Variants in FNDC5 observed in about 807,000 individuals in gnomAD.
FNDC5 encodes the protein fibronectin type III domain-containing protein 5.
In FNDC5, 10 loss-of-function variants were observed where a neutral mutation model predicts 24.6. That is an observed-to-expected ratio of 0.41 (90% CI 0.25 to 0.69). The LOEUF (loss-of-function observed/expected upper bound fraction) is 0.69. FNDC5 is among the 30% of genes least tolerant of loss of function. The pLI, the probability that FNDC5 is intolerant of heterozygous loss-of-function variation, is 0.34. For missense variants in FNDC5, 226 were observed against 282.9 expected (o/e 0.80, Z 1.44); for synonymous variants, 90 against 110.7 (o/e 0.81, Z 1.18).
chr1:32,868,948 G>A lies in FNDC5; in HGVS notation c.144C>T (p.Asn48=). ...GAACATCCCAGCTCACCACTGCAGA[G>A]TTGGCCTTGAGGTGCCTGACGGTGA... The change falls in exon 2 of 6, where the codon AAC becomes AAT. Residue 48 remains asparagine (N), a synonymous_variant. Coordinates refer to ENST00000373471, the MANE Select transcript of FNDC5 (RefSeq NM_153756.3). The surrounding 1 kb of genome is among the most constrained non-coding windows in gnomAD (Gnocchi z 4.8). 1 of 1,235,890 alleles carries A rather than the reference G, an allele frequency of 8.1e-7. No homozygotes were observed. The highest frequency in any genetic ancestry group is 4.1e-5 in the South Asian group (1 of 24,554). The allele number at this position is 1,235,890 out of a possible 1,614,324, so 76.6% of individuals were successfully genotyped here.
chr1:32,863,627 G>A lies in FNDC5; in HGVS notation c.*667C>T. 9.4e-7 allele frequency: 1 copy of A among 1,068,932 alleles called. No individual in the cohort carries two copies. The highest frequency in any genetic ancestry group is 1.6e-5 in the African/African-American group (1 of 61,092). 66.2% of individuals were successfully genotyped at this position (1,068,932 alleles called of 1,614,324 possible). A position where few individuals can be genotyped will look rare whatever the true frequency, so the allele number is the denominator to read the frequency against. On this transcript the variant is annotated 3_prime_UTR_variant, in exon 6 of 6. Transcript: ENST00000373471. ...TAGGACAAGGAGAAGAGAGAACTGTGCAGCTAGCTGTGCCTCCTCCCCACT... is the reference window on the plus strand; with the variant it reads ...TAGGACAAGGAGAAGAGAGAACTGTACAGCTAGCTGTGCCTCCTCCCCACT...
rs1167933646 is a variant in FNDC5, at chr1:32,863,767, T to C, written c.*527A>G. On this transcript the variant is annotated 3_prime_UTR_variant, in exon 6 of 6. Coordinates refer to ENST00000373471, the MANE Select transcript of FNDC5 (RefSeq NM_153756.3). ...GCTTCAATGATGTTCACTGAGGGCT[T>C]GTTTGGAAACTGGGAGGAAAAAAAT... The C allele has an allele frequency of 7.7e-7, 1 of 1,304,682 alleles. No individual in the cohort carries two copies. The highest frequency in any genetic ancestry group is 1.0e-6 in the Non-Finnish European group (1 of 989,078). 80.8% of individuals were successfully genotyped at this position (1,304,682 alleles called of 1,614,324 possible).
chr1:32,864,057 G>T lies in FNDC5; in HGVS notation c.*237C>A. ...GTCTACCCCCAGCAGTCATCCCTCT[G>T]AGTGCAGCCTCAGCCACTGACATTG... On this transcript the variant is annotated 3_prime_UTR_variant, in exon 6 of 6. Transcript: ENST00000373471. The T allele has an allele frequency of 6.9e-7, 1 of 1,440,582 alleles. No individual in the cohort carries two copies. Among genetic ancestry groups the T allele is most frequent in the Non-Finnish European group, 9.1e-7 (1 of 1,095,798 alleles). The allele number at this position is 1,440,582 out of a possible 1,614,324, so 89.2% of individuals were successfully genotyped here. A position where few individuals can be genotyped will look rare whatever the true frequency, so the allele number is the denominator to read the frequency against.
At chr1:32,869,044 G>T (rs1641128379) in intron 1 of FNDC5, 47 bp from the exon 2 acceptor site, 3 of 1,080,924 alleles carry the variant, frequency 2.8e-6, no homozygotes, top group Non-Finnish European at 2.4e-6. Flanking sequence ...CTATTGTGAG[G>T]CCCAGACCCA....
chr1:32,863,620 G>C lies in FNDC5; in HGVS notation c.*674C>G, dbSNP rs2148708902. The stretch of plus-strand genomic sequence containing the variant: ...ATCTGACTAGGACAAGGAGAAGAGA[G>C]AACTGTGCAGCTAGCTGTGCCTCCT... On this transcript the variant is annotated 3_prime_UTR_variant, in exon 6 of 6. Coordinates refer to ENST00000373471, the MANE Select transcript of FNDC5 (RefSeq NM_153756.3). The C allele has an allele frequency of 2.9e-6, 3 of 1,023,694 alleles. 1 individual carries two copies. The South Asian group carries it at 4.0e-5, about 14-fold the overall frequency. The allele number at this position is 1,023,694 out of a possible 1,614,324, so 63.4% of individuals were successfully genotyped here.
chr1:32,869,057 GTC>G (rs1641128546), intron 1 of FNDC5, 60 bp from the exon 2 acceptor site: 3 of 991,112 alleles, frequency 3.0e-6, no homozygotes, highest in Admixed American at 4.3e-5. Flanking sequence ...CAGACCCACT[GTC>G]TCATAAGTAA....
chr1:32,864,276 C>A lies in FNDC5; in HGVS notation c.*18G>T. The A allele has an allele frequency of 5.0e-6, 8 of 1,614,162 alleles. No individual in the cohort carries two copies. The highest frequency in any genetic ancestry group is 6.8e-6 in the Non-Finnish European group (8 of 1,180,026). On this transcript the variant is annotated 3_prime_UTR_variant, in exon 6 of 6. Coordinates refer to ENST00000373471, the MANE Select transcript of FNDC5 (RefSeq NM_153756.3). ...TGTCTGTCTTCTTAGCTGCTGAGGG[C>A]AAGCACTGAAAAGGTTTTCATATCT...
chr1:32,869,090 G>T, intron 1 of FNDC5, 93 bp from the exon 2 acceptor site: 1 of 644,214 alleles, frequency 1.6e-6, no homozygotes, highest in Non-Finnish European at 2.2e-6. Context: ...CCTGGGGAAG[G>T]CCATGCAGGA....
chr1:32,864,147 G>A lies in FNDC5; in HGVS notation c.*147C>T. ...AGGAAAGTGCGCCAGAGAGAGGACA[G>A]TAAGCCAGAGGGTACAAGGAGATGG... On this transcript the variant is annotated 3_prime_UTR_variant, in exon 6 of 6. Coordinates refer to ENST00000373471, the MANE Select transcript of FNDC5 (RefSeq NM_153756.3). 1 of 1,565,170 alleles carries A rather than the reference G, an allele frequency of 6.4e-7. No homozygotes were observed. Among genetic ancestry groups the A allele is most frequent in the Non-Finnish European group, 8.7e-7 (1 of 1,155,944 alleles).
chr1:32,862,986 G>C lies in FNDC5; in HGVS notation c.*1308C>G, dbSNP rs1056215823. 1 of 152,762 alleles carries C rather than the reference G, an allele frequency of 6.5e-6. No homozygotes were observed. Among genetic ancestry groups the C allele is most frequent in the African/African-American group, 2.4e-5 (1 of 41,450 alleles). The allele number at this position is 152,762 out of a possible 1,614,324, so 9.5% of individuals were successfully genotyped here. ...AATGGCTCAGGCCTGCCTTCCAGCA[G>C]CTTCTACTCCAGAAGGGGTGTTTTG... On this transcript the variant is annotated 3_prime_UTR_variant, in exon 6 of 6. Transcript: ENST00000373471.
Position 32,867,747 on chromosome 1 carries a change from A to T in FNDC5, c.499+6T>A, listed in dbSNP as rs1435277148. The T allele has an allele frequency of 6.0e-5, 97 of 1,612,142 alleles. No individual in the cohort carries two copies. The highest frequency in any genetic ancestry group is 7.7e-5 in the Non-Finnish European group (91 of 1,178,800). On this transcript the variant is annotated splice_donor_region_variant and intron_variant, in intron 4 of 5. Coordinates refer to ENST00000373471, the MANE Select transcript of FNDC5 (RefSeq NM_153756.3). The stretch of plus-strand genomic sequence containing the variant: ...GGAAGAAGAAGGTCTCGGAGGCCAG[A>T]CTCACCTGCCCACATGAACAGGACC...
intron 5 of FNDC5, 74 bp downstream of exon 5, chr1:32,864,589 AC>A: frequency 1.2e-6 from 2 of 1,603,002 alleles, no homozygotes; most frequent in Non-Finnish European, 1.7e-6. Flanking sequence ...CCCCGAGCTG[AC>A]CCCCTCTGCA....
chr1:32,868,277 T>C lies in FNDC5; in HGVS notation c.322A>G (p.Ile108Val). 6.2e-7 allele frequency: 1 copy of C among 1,614,206 alleles called. No homozygotes were observed. Among genetic ancestry groups the C allele is most frequent in the Non-Finnish European group, 8.5e-7 (1 of 1,180,038 alleles). ...GCTGGGCTCTGGCCCTGAATGGAGA[T>C]GGCCTGCACGTGGACTATGTACTCC... The change falls in exon 3 of 6, where the codon ATC becomes GTC. Residue 108 changes from isoleucine (I) to valine (V), a missense_variant. Coordinates refer to ENST00000373471, the MANE Select transcript of FNDC5 (RefSeq NM_153756.3). This position sits in a 1 kb window ranked among gnomAD's most constrained non-coding sequence, Gnocchi z 4.8.
intron 1 of FNDC5, among the ~76,000 whole-genome samples, chr1:32,870,289 G>A (rs947723501): frequency 3.3e-5 from 5 of 152,158 alleles, no homozygotes; most frequent in Non-Finnish European, 7.3e-5. Context: ...AGGGCTTTGA[G>A]AGGTCCTGGG....
chr1:32,867,126 T>C (rs1045888751), intron 4 of FNDC5, among the ~76,000 whole-genome samples: 1 of 152,140 alleles, frequency 6.6e-6, no homozygotes, highest in African/African-American at 2.4e-5. Flanking sequence ...AACTTGGTCT[T>C]CATTCTCAGG....
rs185274511 is a variant in FNDC5, at chr1:32,869,845, A to G, written c.94+808T>C. The stretch of plus-strand genomic sequence containing the variant: ...CCAAGGGGCAGGTGCAGCACGGGGC[A>G]GAGCTGCGCCTGAGCAGCACCCCTC... On this transcript the variant is annotated intron_variant, in intron 1 of 5. Coordinates refer to ENST00000373471, the MANE Select transcript of FNDC5 (RefSeq NM_153756.3). 7.2e-3 allele frequency among the ~76,000 whole-genome samples: 1,091 copies of G among 152,228 alleles called. 55 individuals are homozygous for G. Among genetic ancestry groups the G allele is most frequent in the Admixed American group, 0.063 (970 of 15,302 alleles).
rs1483967915 is a variant in FNDC5, at chr1:32,863,308, G to A, written c.*986C>T. On this transcript the variant is annotated 3_prime_UTR_variant, in exon 6 of 6. Transcript: ENST00000373471. ...CACCACAAACATGTCCTTGATGGCT[G>A]GATCCAGAAAAGGCTTGATGGCAGC... 5.9e-6 allele frequency: 1 copy of A among 170,838 alleles called. No homozygotes were observed. 10.6% of individuals were successfully genotyped at this position (170,838 alleles called of 1,614,324 possible).
At chr1:32,870,040 G>A (rs1408284105) in intron 1 of FNDC5, among the ~76,000 whole-genome samples, 1 of 152,118 alleles carries the variant, frequency 6.6e-6, no homozygotes, top group Non-Finnish European at 1.5e-5. Context: ...GCGAGAGAGC[G>A]CTCCCCGAGC....
intron 4 of FNDC5, 84 bp from the exon 5 acceptor site, chr1:32,864,881 GTC>G: frequency 6.4e-7 from 1 of 1,562,310 alleles, no homozygotes; most frequent in Non-Finnish European, 8.7e-7. Context: ...CTTGCCAATG[GTC>G]TCTCCAGATT....
Sources: allele counts gnomAD v4.1 joint callset (sites outside exome capture counted in the v4.1 genomes callset), GRCh38; gene constraint gnomAD v4.1.1; non-coding constraint Gnocchi (gnomAD v3.1); transcripts MANE v1.5; gene names NCBI Gene and HGNC (gene_info 2026-07-23, HGNC 2026-07-21).